The following CELF2 variants were observed in gnomAD, a reference collection of about 807,000 sequenced individuals.
CELF2 encodes the protein CUG triplet repeat RNA-binding protein 2.
A neutral mutation model predicts 62.6 loss-of-function variants in CELF2; 8 were observed. That is an observed-to-expected ratio of 0.13 (90% CI 0.07 to 0.23). The LOEUF (loss-of-function observed/expected upper bound fraction) is 0.23. Ranked by LOEUF, CELF2 falls within the 10% of genes least tolerant of loss-of-function variation. The probability of loss-of-function intolerance (pLI) is 1.00; values close to 1 mark genes in which losing one functional copy is unlikely to be tolerated. For missense variants in CELF2, 333 were observed against 671.0 expected (o/e 0.50, Z 5.56); for synonymous variants, 258 against 250.0 (o/e 1.03, Z -0.30).
chr10:10,723,205 G>A, the CELF2 span, among the ~76,000 whole-genome samples: 1 of 152,186 alleles, frequency 6.6e-6, no homozygotes, highest in Admixed American at 6.5e-5. Flanking sequence ...AGAACAGGTG[G>A]TGGTGTCGTT....
chr10:11,332,064 ACTTTTGATT>A lies in CELF2; in HGVS notation c.*3012_*3020del, dbSNP rs1470384846. 6.6e-6 allele frequency: 1 copy of A among 152,142 alleles called. No individual in the cohort carries two copies. Among genetic ancestry groups the A allele is most frequent in the East Asian group, 1.9e-4 (1 of 5,200 alleles). The allele number at this position is 152,142 out of a possible 1,614,324, so 9.4% of individuals were successfully genotyped here. On this transcript the variant is annotated 3_prime_UTR_variant, in exon 13 of 13. Transcript: ENST00000633077. ...GAAAAAATCCTACACTACTTTTACT[ACTTTTGATT>A]ATTTCTCATTTTTGGGAAAAGAATT...
the CELF2 span, among the ~76,000 whole-genome samples, chr10:10,681,908 C>T: frequency 6.6e-6 from 1 of 152,178 alleles, no homozygotes; most frequent in African/African-American, 2.4e-5. Context: ...AAAAAGCTTA[C>T]GTGTAGTAAA....
the CELF2 span, among the ~76,000 whole-genome samples, chr10:10,653,369 A>C: frequency 1.3e-5 from 2 of 148,774 alleles, no homozygotes; most frequent in Non-Finnish European, 3.0e-5. Context: ...AAGTGGACCT[A>C]ATAGACATTT....
chr10:11,272,098 A>G (rs536693434), intron 7 of CELF2, among the ~76,000 whole-genome samples: 2 of 152,254 alleles, frequency 1.3e-5, no homozygotes, highest in East Asian at 1.9e-4. Flanking sequence ...GGGGTCTGGT[A>G]TATAATAGCT....
the CELF2 span, among the ~76,000 whole-genome samples, chr10:10,464,786 T>C: frequency 6.6e-6 from 1 of 152,200 alleles, no homozygotes; most frequent in Non-Finnish European, 1.5e-5. Flanking sequence ...AAAATGATGC[T>C]TTCCCCCATT....
intron 1 of CELF2, among the ~76,000 whole-genome samples, chr10:10,810,120 G>A (rs1356092452): frequency 2.0e-5 from 3 of 152,228 alleles, no homozygotes; most frequent in Non-Finnish European, 4.4e-5. Flanking sequence ...CTGGAGGGAA[G>A]GTACCTTACA....
the CELF2 span, among the ~76,000 whole-genome samples, chr10:10,587,657 C>G: frequency 6.6e-6 from 1 of 152,084 alleles, no homozygotes; most frequent in African/African-American, 2.4e-5. Context: ...GTCCTTGTCC[C>G]TTTTCAAGAC....
chr10:10,781,465 A>G, the CELF2 span, among the ~76,000 whole-genome samples: 2 of 152,208 alleles, frequency 1.3e-5, no homozygotes, highest in Admixed American at 6.5e-5. Context: ...CAGAAGGTGA[A>G]GGAGGAGCAA....
At chr10:10,493,048 C>G in the CELF2 span, among the ~76,000 whole-genome samples, 1 of 152,166 alleles carries the variant, frequency 6.6e-6, no homozygotes, top group Non-Finnish European at 1.5e-5. Flanking sequence ...ATTAGCCAGT[C>G]TCAGGTATGT....
intron 1 of CELF2, among the ~76,000 whole-genome samples, chr10:11,062,617 C>A (rs1018612253): frequency 2.0e-5 from 3 of 152,276 alleles, no homozygotes; most frequent in Non-Finnish European, 4.4e-5. Context: ...GACTGAATTG[C>A]TGCAGTGTCA....
the CELF2 span, among the ~76,000 whole-genome samples, chr10:10,527,456 A>AAT: frequency 4.6e-5 from 7 of 151,306 alleles, no homozygotes; most frequent in South Asian, 2.1e-4. Context: ...CAAAAAAAAA[A>AAT]AAAAAAGTAA....
At chr10:11,170,608 G>A (rs1424520971) in intron 2 of CELF2, among the ~76,000 whole-genome samples, 1 of 152,104 alleles carries the variant, frequency 6.6e-6, no homozygotes, top group African/African-American at 2.4e-5. Flanking sequence ...GATATGCTAG[G>A]AAGTTCTCTC....
rs1831785601 is a variant in CELF2, at chr10:11,191,528, A to G, written c.271+25846A>G. 6.6e-6 allele frequency among the ~76,000 whole-genome samples: 1 copy of G among 152,102 alleles called. No homozygotes were observed. Among genetic ancestry groups the G allele is most frequent in the African/African-American group, 2.4e-5 (1 of 41,422 alleles). ...TGTGGTCTCGGGAAAGTGACCTATC[A>G]AGGGGGCATACAACAGGGACACCAC... On this transcript the variant is annotated intron_variant, in intron 2 of 12. Coordinates refer to ENST00000633077, the MANE Select transcript of CELF2 (RefSeq NM_001326342.2). The surrounding 1 kb of genome is among the most constrained non-coding windows in gnomAD (Gnocchi z 4.1).
the CELF2 span, among the ~76,000 whole-genome samples, chr10:10,528,255 C>G: frequency 6.6e-6 from 1 of 152,062 alleles, no homozygotes; most frequent in Non-Finnish European, 1.5e-5. Context: ...TGATAATAAG[C>G]TGGAAGCCAT....
In CELF2 at chr10:11,243,445, C is replaced by T. The variant is rs1484180200; in HGVS notation, c.355-5708C>T. On this transcript the variant is annotated intron_variant, in intron 3 of 12. Transcript: ENST00000633077. The surrounding 1 kb of genome is among the most constrained non-coding windows in gnomAD (Gnocchi z 4.1). ...TGGGTTTAGAAGCCTTTCTTGATAG[C>T]AATGTGAACTTGAAGAAATGTGTGA... Among the ~76,000 whole-genome samples the T allele has an allele frequency of 6.6e-6, 1 of 151,698 alleles. No homozygotes were observed. Among genetic ancestry groups the T allele is most frequent in the Non-Finnish European group, 1.5e-5 (1 of 67,986 alleles).
In CELF2 at chr10:11,196,792, C is replaced by CA. The variant is rs544212256; in HGVS notation, c.272-20626dup. On this transcript the variant is annotated intron_variant, in intron 2 of 12. Transcript: ENST00000633077. The stretch of plus-strand genomic sequence containing the variant: ...CCAACATGGTGAAACCCCGTCTCTA[C>CA]AAAAAAATACAAAAATTAGCCAGGC... Among the ~76,000 whole-genome samples the CA allele has an allele frequency of 9.3e-4, 140 of 151,322 alleles. 1 individual carries two copies. Among genetic ancestry groups the CA allele is most frequent in the African/African-American group, 2.7e-3 (113 of 41,182 alleles).
Position 11,255,061 on chromosome 10 carries a change from C to T in CELF2, c.404-2677C>T, listed in dbSNP as rs1046710228. On this transcript the variant is annotated intron_variant, in intron 4 of 12. Transcript: ENST00000633077. The surrounding 1 kb of genome is among the most constrained non-coding windows in gnomAD (Gnocchi z 5.5). Reference sequence around the variant, plus strand: ...GTGGTGTGGACGGCCTGCAGGTACACTCGTTGCCCAGGGTATCTGGTGTCT... The same window carrying T: ...GTGGTGTGGACGGCCTGCAGGTACATTCGTTGCCCAGGGTATCTGGTGTCT... Among the ~76,000 whole-genome samples, 2 of 152,230 alleles carry T rather than the reference C, an allele frequency of 1.3e-5. No individual in the cohort carries two copies. Among genetic ancestry groups the T allele is most frequent in the African/African-American group, 4.8e-5 (2 of 41,468 alleles).
In CELF2 at chr10:11,257,643, C is replaced by T. The variant is rs896275471; in HGVS notation, c.404-95C>T. On this transcript the variant is annotated intron_variant, in intron 4 of 12. Transcript: ENST00000633077. ...GCCTTGGGACACGTGCTTGGTCTCA[C>T]ATGGCTGGGGCCTGGTTTGATGGGG... 1.8e-5 allele frequency: 25 copies of T among 1,428,438 alleles called. No individual in the cohort carries two copies. In the South Asian group the frequency reaches 2.9e-4, roughly 17 times the overall value. The allele number at this position is 1,428,438 out of a possible 1,614,324, so 88.5% of individuals were successfully genotyped here.
chr10:10,559,728 A>G, the CELF2 span, among the ~76,000 whole-genome samples: 1 of 152,188 alleles, frequency 6.6e-6, no homozygotes, highest in African/African-American at 2.4e-5. Context: ...TGAGAATTGT[A>G]AGGTAGGATT....
Sources: gnomAD v4.1 joint callset for allele counts (sites outside exome capture counted in the v4.1 genomes callset) on GRCh38, gnomAD v4.1.1 for gene constraint, Gnocchi (gnomAD v3.1) non-coding constraint, MANE v1.5 for transcripts, NCBI Gene and HGNC (gene_info 2026-07-23, HGNC 2026-07-21) for gene names.